RGS3: variants seen among roughly 807,000 people sequenced by gnomAD.
RGS3 encodes the protein regulator of G-protein signalling 3.
Under a neutral mutation model 132.6 loss-of-function variants are expected in RGS3, and 80 were observed. That is an observed-to-expected ratio of 0.60 (90% confidence interval 0.50 to 0.73). The LOEUF is 0.73. Ranked by LOEUF, RGS3 falls within the 30% of genes least tolerant of loss-of-function variation. RGS3 has a pLI of 0.00. For synonymous variants in RGS3, 598 were observed against 620.6 expected, an observed-to-expected ratio of 0.96 and a Z score of 0.54; for missense variants, 1,382 against 1,530.8, an observed-to-expected ratio of 0.90 and a Z score of 1.62.
chr9:113,571,584 T>G (rs1834292014), intron 19 of RGS3, among the ~76,000 whole-genome samples: 1 of 152,206 alleles, frequency 6.6e-6, no homozygotes, highest in African/African-American at 2.4e-5. Flanking sequence ...CTGATTAACT[T>G]GTAGGAGCTT....
intron 3 of RGS3, among the ~76,000 whole-genome samples, chr9:113,476,625 C>A (rs2119202338): frequency 6.6e-6 from 1 of 152,354 alleles, no homozygotes; most frequent in South Asian, 2.1e-4. Context: ...GGTGCAAACT[C>A]ATCTCAATCC....
chr9:113,460,355 TA>T (rs1327279858), intron 1 of RGS3: 2 of 261,638 alleles, frequency 7.6e-6, no homozygotes, highest in Non-Finnish European at 7.4e-6. Flanking sequence ...CCGTCTCTAC[TA>T]AAAATACAAA....
At chr9:113,543,770 G>T (rs1253172284) in intron 19 of RGS3, among the ~76,000 whole-genome samples, 8 of 152,214 alleles carry the variant, frequency 5.3e-5, no homozygotes, top group Admixed American at 4.6e-4. Context: ...CAGCCCTGGG[G>T]ACAGGACTTT....
chr9:113,591,784 C>T lies in RGS3; in HGVS notation c.3080+387C>T, dbSNP rs1835441714. 1 of 198,600 alleles carries T rather than the reference C, an allele frequency of 5.0e-6. No homozygotes were observed. The highest frequency in any genetic ancestry group is 1.1e-5 in the Non-Finnish European group (1 of 93,290). The allele number at this position is 198,600 out of a possible 1,614,324, so 12.3% of individuals were successfully genotyped here. A position where few individuals can be genotyped will look rare whatever the true frequency, so the allele number is the denominator to read the frequency against. On this transcript the variant is annotated intron_variant, in intron 21 of 24. Transcript: ENST00000350696. The surrounding 1 kb of genome is among the most constrained non-coding windows in gnomAD (Gnocchi z 4.4). Reference sequence around the variant, plus strand: ...GTGGAACTGACAGTCATTGGCTCCTCTTTCTCTTCCTGAGCTCCTGAATGC... The same window carrying T: ...GTGGAACTGACAGTCATTGGCTCCTTTTTCTCTTCCTGAGCTCCTGAATGC...
Position 113,478,336 on chromosome 9 carries a change from A to T in RGS3, c.416-1155A>T, listed in dbSNP as rs564863508. ...TAGAAGTGCTATAGTTCGTGGATATATTTGAATTATTAAAACAACAATTGT... is the reference window on the plus strand; with the variant it reads ...TAGAAGTGCTATAGTTCGTGGATATTTTTGAATTATTAAAACAACAATTGT... On this transcript the variant is annotated intron_variant, in intron 3 of 24. Coordinates refer to ENST00000350696, the Ensembl canonical transcript of RGS3. 2.2e-4 allele frequency among the ~76,000 whole-genome samples: 33 copies of T among 151,844 alleles called. No individual in the cohort carries two copies. In the South Asian group the frequency reaches 5.2e-3, roughly 24 times the overall value.
intron 10 of RGS3, among the ~76,000 whole-genome samples, chr9:113,503,903 C>T (rs559893619): frequency 1.3e-5 from 2 of 152,282 alleles, no homozygotes; most frequent in East Asian, 1.9e-4. Flanking sequence ...GTTTGTTTTT[C>T]TTTCTTTCTT....
intron 17 of RGS3, 48 bp downstream of exon 15, chr9:113,523,089 TC>T (rs774513511): frequency 4.1e-6 from 5 of 1,209,168 alleles, no homozygotes; most frequent in Non-Finnish European, 6.1e-6. Context: ...CTTGCCCCAG[TC>T]CCACTGCTCT....
At chr9:113,517,319 G>T (rs959096073) in intron 15 of RGS3, 2 of 666,818 alleles carry the variant, frequency 3.0e-6, no homozygotes, top group East Asian at 2.9e-5. Context: ...GAGGGTTGAT[G>T]GGGAAGGTGG....
At chr9:113,547,498 G>A (rs928691675) in intron 19 of RGS3, among the ~76,000 whole-genome samples, 1 of 152,158 alleles carries the variant, frequency 6.6e-6, no homozygotes, top group African/African-American at 2.4e-5. Flanking sequence ...TTTCTGCTCA[G>A]GTGGCTGAGT....
At chr9:113,541,586 T>C in intron 19 of RGS3, 1 of 1,359,388 alleles carries the variant, frequency 7.4e-7, no homozygotes, top group Non-Finnish European at 9.5e-7. Flanking sequence ...CATGTGGATG[T>C]CAACAGAAGG....
At chr9:113,557,207 C>T (rs553165032) in intron 19 of RGS3, among the ~76,000 whole-genome samples, 1 of 152,306 alleles carries the variant, frequency 6.6e-6, no homozygotes, top group Non-Finnish European at 1.5e-5. Flanking sequence ...GCCTTCAGGC[C>T]TAGTTGGATT....
intron 4 of RGS3, among the ~76,000 whole-genome samples, chr9:113,481,017 C>A (rs1291242077): frequency 2.0e-5 from 3 of 152,214 alleles, no homozygotes; most frequent in Admixed American, 6.5e-5. Context: ...TGCCTCTGTG[C>A]CTTTGCACCT....
At position 113,499,908 on chromosome 9, in the gene RGS3, G is replaced by A. The variant is rs1830812991; in HGVS notation, c.897+1828G>A. ...AGGTTTGTTTTCTGTGGTTTCATTA[G>A]TTGAAAAGCTTTCCTCTGGCTTCTG... is the stretch of plus-strand genomic sequence containing the variant. On this transcript the variant is annotated intron_variant, in intron 10 of 24. Transcript: ENST00000350696. 2.0e-5 allele frequency among the ~76,000 whole-genome samples: 3 copies of A among 152,218 alleles called. No homozygotes were observed. The South Asian group carries it at 6.2e-4, about 31-fold the overall frequency.
chr9:113,466,753 A>G (rs1359357051), intron 3 of RGS3, among the ~76,000 whole-genome samples: 1 of 152,228 alleles, frequency 6.6e-6, no homozygotes, highest in East Asian at 1.9e-4. Context: ...GATATATACA[A>G]TTCACTCATT....
chr9:113,538,948 C>T (rs1832792668), intron 19 of RGS3, among the ~76,000 whole-genome samples: 1 of 152,220 alleles, frequency 6.6e-6, no homozygotes, highest in South Asian at 2.1e-4. Flanking sequence ...CCCTAGAGGT[C>T]TCACTGCTCA....
At chr9:113,580,619 T>TAACC (rs1834746766) in intron 19 of RGS3, 1 of 191,980 alleles carries the variant, frequency 5.2e-6, no homozygotes, top group Admixed American at 6.5e-5. Flanking sequence ...TCTGAGCACA[T>TAACC]AACCACTGGG....
intron 19 of RGS3, chr9:113,583,085 T>C: frequency 3.9e-6 from 1 of 257,558 alleles, no homozygotes; most frequent in Non-Finnish European, 7.4e-6. Context: ...TTTCCTTTTC[T>C]GTAAAATGGG....
chr9:113,542,680 T>C (rs539899144), intron 19 of RGS3, among the ~76,000 whole-genome samples: 2 of 152,214 alleles, frequency 1.3e-5, no homozygotes, highest in Non-Finnish European at 2.9e-5. Flanking sequence ...TCGTGGGGGA[T>C]AGTGGGGGCA....
chr9:113,573,457 C>T (rs770245443), intron 19 of RGS3, among the ~76,000 whole-genome samples: 8 of 152,220 alleles, frequency 5.3e-5, no homozygotes, highest in Non-Finnish European at 1.0e-4. Context: ...GAGGAAGCGG[C>T]ACACTGGCTG....
Sources: allele counts gnomAD v4.1 joint callset (sites outside exome capture counted in the v4.1 genomes callset), GRCh38; gene constraint gnomAD v4.1.1; non-coding constraint Gnocchi (gnomAD v3.1); transcripts MANE v1.5; gene names NCBI Gene and HGNC (gene_info 2026-07-23, HGNC 2026-07-21).